The following CNBD1 variants were observed in gnomAD, a reference collection of about 807,000 sequenced individuals.
CNBD1 encodes the protein cyclic nucleotide binding domain containing 1, also known as cyclic nucleotide-binding domain-containing protein 1.
In CNBD1, 71 loss-of-function variants were observed where a neutral mutation model predicts 54.4. The observed-to-expected ratio is 1.30, with a 90% confidence interval of 1.08 to 1.59. The LOEUF (loss-of-function observed/expected upper bound fraction) is 1.59, where lower values mean the gene tolerates loss of function less well. Among genes scored for constraint, CNBD1 ranks in the 40% most tolerant of loss-of-function variants. CNBD1 has a pLI of 0.00. For synonymous variants in CNBD1, 182 were observed against 170.7 expected (o/e 1.07, Z -0.51); for missense variants, 659 against 518.0 (o/e 1.27, Z -2.64).
At chr8:87,349,302 A>C (rs2130926141) in intron 8 of CNBD1, among the ~76,000 whole-genome samples, 1 of 152,310 alleles carries the variant, frequency 6.6e-6, no homozygotes, top group African/African-American at 2.4e-5. Context: ...CAATCAGGGT[A>C]GGGAGTAATT....
chr8:87,082,889 G>C (rs913801490), intron 4 of CNBD1, among the ~76,000 whole-genome samples: 1 of 151,910 alleles, frequency 6.6e-6, no homozygotes, highest in African/African-American at 2.4e-5. Flanking sequence ...TGCCTCATTG[G>C]TTTATTAAAT....
chr8:87,334,697 TTTTTC>T (rs1342791864), intron 8 of CNBD1, among the ~76,000 whole-genome samples: 3 of 150,828 alleles, frequency 2.0e-5, no homozygotes, highest in African/African-American at 7.3e-5. Flanking sequence ...TGAGTTTTCT[TTTTTC>T]TTTTCTTTTC....
At chr8:87,299,003 T>C (rs1052114134) in intron 8 of CNBD1, among the ~76,000 whole-genome samples, 3 of 152,164 alleles carry the variant, frequency 2.0e-5, no homozygotes, top group Admixed American at 1.3e-4. Context: ...TTGGTAAATG[T>C]CATGTTTGAA....
At chr8:87,251,558 A>G (rs898174694) in intron 6 of CNBD1, among the ~76,000 whole-genome samples, 53 of 150,566 alleles carry the variant, frequency 3.5e-4, no homozygotes, top group African/African-American at 1.3e-3. Flanking sequence ...ATTGCACTCC[A>G]GCCTGTACAA....
At chr8:87,221,191 C>T (rs904120639) in intron 5 of CNBD1, among the ~76,000 whole-genome samples, 7 of 152,106 alleles carry the variant, frequency 4.6e-5, no homozygotes, top group African/African-American at 1.7e-4. Flanking sequence ...TGCTTCTAGT[C>T]AGCCATCTTA....
chr8:87,073,151 G>A (rs898758599), intron 4 of CNBD1, among the ~76,000 whole-genome samples: 2 of 151,712 alleles, frequency 1.3e-5, no homozygotes, highest in African/African-American at 4.8e-5. Context: ...AGGTCCATCA[G>A]GTCAGTTATC....
At chr8:86,895,214 A>G (rs1463403162) in intron 2 of CNBD1, among the ~76,000 whole-genome samples, 4 of 151,434 alleles carry the variant, frequency 2.6e-5, no homozygotes. Context: ...TTCACTAAAC[A>G]ATATGTATTT....
chr8:87,321,218 G>A (rs1210864093), intron 8 of CNBD1, among the ~76,000 whole-genome samples: 1 of 149,026 alleles, frequency 6.7e-6, no homozygotes, highest in East Asian at 1.9e-4. Flanking sequence ...TGAATCACAT[G>A]ATAGTTCTAT....
chr8:87,250,332 G>A (rs978550142), intron 6 of CNBD1, among the ~76,000 whole-genome samples: 2 of 152,132 alleles, frequency 1.3e-5, no homozygotes, highest in African/African-American at 2.4e-5. Flanking sequence ...ACAAATGTTG[G>A]CCAGGATATG....
chr8:87,428,276 G>A (rs1359428088), intron 2 of CNBD1, among the ~76,000 whole-genome samples: 7 of 152,084 alleles, frequency 4.6e-5, no homozygotes, highest in African/African-American at 9.7e-5. Context: ...AACCACTAAT[G>A]TCTGCCACAT....
chr8:87,320,567 T>C (rs774064946), intron 8 of CNBD1, among the ~76,000 whole-genome samples: 2 of 150,608 alleles, frequency 1.3e-5, no homozygotes, highest in Non-Finnish European at 1.5e-5. Context: ...TTTCATGTAA[T>C]TTAATGGTCT....
intron 4 of CNBD1, among the ~76,000 whole-genome samples, chr8:87,204,554 C>G (rs1022970018): frequency 6.6e-6 from 1 of 152,108 alleles, no homozygotes; most frequent in African/African-American, 2.4e-5. Context: ...ACTGATCAAA[C>G]TTGAATCAGT....
intron 2 of CNBD1, among the ~76,000 whole-genome samples, chr8:86,904,700 C>A (rs1420833465): frequency 3.9e-5 from 6 of 152,040 alleles, no homozygotes; most frequent in African/African-American, 1.2e-4. Flanking sequence ...CACATGATGG[C>A]AAAGATTCAA....
At chr8:87,311,268 A>G (rs1042699952) in intron 8 of CNBD1, among the ~76,000 whole-genome samples, 2 of 151,992 alleles carry the variant, frequency 1.3e-5, no homozygotes, top group African/African-American at 4.8e-5. Flanking sequence ...AAACAAAAAA[A>G]CTCACCTAAA....
At chr8:87,336,496 T>A (rs1464084650) in intron 8 of CNBD1, among the ~76,000 whole-genome samples, 2 of 152,154 alleles carry the variant, frequency 1.3e-5, no homozygotes, top group Admixed American at 1.3e-4. Flanking sequence ...TGGCTATTGA[T>A]CCTTGTGTAT....
chr8:87,087,230 C>A (rs1348545125), intron 4 of CNBD1, among the ~76,000 whole-genome samples: 2 of 141,124 alleles, frequency 1.4e-5, no homozygotes, highest in Non-Finnish European at 3.0e-5. Context: ...TCTACACACA[C>A]ACACATATAT....
chr8:87,011,171 TAGAGTTTGGTTTTTTTTTTTTTTTC>T (rs1809212730), intron 4 of CNBD1, among the ~76,000 whole-genome samples: 1 of 148,576 alleles, frequency 6.7e-6, no homozygotes, highest in African/African-American at 2.4e-5. Flanking sequence ...GGATGTTTAT[TAGAGTTTGGTTTTTTTTTTTTTTTC>T]AGTCCCTAAA....
intron 1 of CNBD1, among the ~76,000 whole-genome samples, chr8:86,880,330 T>C (rs1315604383): frequency 8.4e-6 from 1 of 118,878 alleles, no homozygotes; most frequent in Admixed American, 8.9e-5. Flanking sequence ...ATCGAACATA[T>C]TAGAAAAAAT....
intron 4 of CNBD1, among the ~76,000 whole-genome samples, chr8:86,944,452 T>A (rs1807417449): frequency 6.6e-6 from 1 of 152,024 alleles, no homozygotes; most frequent in East Asian, 1.9e-4. Context: ...TAGAGAATGA[T>A]GGAAATGATC....
Sources: gnomAD v4.1 joint callset for allele counts (sites outside exome capture counted in the v4.1 genomes callset) on GRCh38, gnomAD v4.1.1 for gene constraint, MANE v1.5 for transcripts, NCBI Gene and HGNC (gene_info 2026-07-23, HGNC 2026-07-21) for gene names.